Variants in GFRA1 observed in about 807,000 individuals in gnomAD.
GFRA1 encodes GDNF family receptor alpha 1, also known as GDNF family receptor alpha-1.
GFRA1 carries 16 observed loss-of-function variants against 51.6 expected under a neutral mutation model. That is an observed-to-expected ratio of 0.31 (90% CI 0.21 to 0.47). GFRA1 has a LOEUF of 0.47. Among genes scored for constraint, GFRA1 ranks in the 20% least tolerant of loss-of-function variants. GFRA1 has a pLI of 1.00. For synonymous variants in GFRA1, 270 were observed against 241.3 expected (o/e 1.12, Z -1.10); for missense variants, 530 against 594.3 (o/e 0.89, Z 1.13).
At chr10:116,083,800 G>C (rs377481752) in intron 9 of GFRA1, among the ~76,000 whole-genome samples, 1 of 152,214 alleles carries the variant, frequency 6.6e-6, no homozygotes, top group African/African-American at 2.4e-5. Flanking sequence ...TACTGGGGCC[G>C]TGGGGAGAGG....
In GFRA1 at chr10:116,228,253, T is replaced by C. The variant is rs185989542; in HGVS notation, c.419-16608A>G. ...GTGATTTGGAAAGTTAAGGGAATTATGATGAAAATGTCACTGCAAACCAAA... is the reference window on the plus strand; with the variant it reads ...GTGATTTGGAAAGTTAAGGGAATTACGATGAAAATGTCACTGCAAACCAAA... On this transcript the variant is annotated intron_variant, in intron 4 of 10. Transcript: ENST00000355422. Among the ~76,000 whole-genome samples, 28 of 152,302 alleles carry C rather than the reference T, an allele frequency of 1.8e-4. No homozygotes were observed. In the East Asian group the frequency reaches 2.3e-3, roughly 13 times the overall value.
In GFRA1 at chr10:116,125,376, G is replaced by C; in HGVS notation, c.615C>G (p.Ala205=). 1.2e-6 allele frequency: 2 copies of C among 1,614,264 alleles called. No homozygotes were observed. Among genetic ancestry groups the C allele is most frequent in the Non-Finnish European group, 1.7e-6 (2 of 1,180,050 alleles). ...AGAAGAGCATTCCGTAGCTGTGCTT[G>C]GCCGGGACCTTGTCAAAGAACTGCC... ...ALRQFFDKVP[A]KHSYGMLFCS... The change falls in exon 6 of 11, where the codon GCC becomes GCG. Residue 205 remains alanine, a synonymous_variant. Coordinates refer to ENST00000355422, the MANE Select transcript of GFRA1 (RefSeq NM_005264.8).
intron 5 of GFRA1, among the ~76,000 whole-genome samples, chr10:116,208,698 G>C (rs966079554): frequency 6.6e-6 from 1 of 152,168 alleles, no homozygotes; most frequent in Non-Finnish European, 1.5e-5. Context: ...TGATTTCCAA[G>C]CGGCTTGCTC....
At chr10:116,154,402 A>C (rs1266288812) in intron 5 of GFRA1, among the ~76,000 whole-genome samples, 2 of 152,246 alleles carry the variant, frequency 1.3e-5, no homozygotes, top group Non-Finnish European at 2.9e-5. Context: ...AATTATTGCT[A>C]TATGCAACAT....
At chr10:116,109,569 G>A (rs1020996818) in intron 6 of GFRA1, among the ~76,000 whole-genome samples, 3 of 152,164 alleles carry the variant, frequency 2.0e-5, no homozygotes, top group African/African-American at 2.4e-5. Context: ...CCCCTTCCCC[G>A]GGCTGTGTTC....
At chr10:116,254,456 G>C (rs1968661993) in intron 4 of GFRA1, among the ~76,000 whole-genome samples, 1 of 151,566 alleles carries the variant, frequency 6.6e-6, no homozygotes, top group Admixed American at 6.6e-5. Context: ...AGGATTGCTT[G>C]AAACAGAAGT....
At chr10:116,232,411 A>G (rs1589893677) in intron 4 of GFRA1, among the ~76,000 whole-genome samples, 2 of 152,192 alleles carry the variant, frequency 1.3e-5, no homozygotes, top group East Asian at 3.8e-4. Context: ...TATTGTAAAT[A>G]TCGAGGCATT....
At chr10:116,263,769 C>T (rs1969458215) in intron 4 of GFRA1, among the ~76,000 whole-genome samples, 2 of 152,154 alleles carry the variant, frequency 1.3e-5, no homozygotes, top group Admixed American at 6.6e-5. Context: ...CTGGAAAGCC[C>T]ATGCAGAGTT....
intron 5 of GFRA1, among the ~76,000 whole-genome samples, chr10:116,206,943 T>G (rs577781553): frequency 2.0e-5 from 3 of 152,292 alleles, no homozygotes; most frequent in African/African-American, 7.2e-5. Context: ...GAAACCACAT[T>G]CTTTTAACCT....
At chr10:116,243,568 T>G (rs1199298165) in intron 4 of GFRA1, among the ~76,000 whole-genome samples, 1 of 145,302 alleles carries the variant, frequency 6.9e-6, no homozygotes, top group Non-Finnish European at 1.5e-5. Flanking sequence ...GTTTTTTTTT[T>G]AAGAAAAAAA....
At chr10:116,182,238 C>A (rs1962304834) in intron 5 of GFRA1, among the ~76,000 whole-genome samples, 1 of 151,960 alleles carries the variant, frequency 6.6e-6, no homozygotes, top group Admixed American at 6.6e-5. Context: ...TTCCATAAAC[C>A]AAGGGGAATG....
At chr10:116,136,020 A>C in intron 5 of GFRA1, among the ~76,000 whole-genome samples, 1 of 152,214 alleles carries the variant, frequency 6.6e-6, no homozygotes, top group East Asian at 1.9e-4. Context: ...AATCTCAGAT[A>C]ATCTTTATAA....
intron 9 of GFRA1, among the ~76,000 whole-genome samples, chr10:116,076,550 C>G (rs1160539474): frequency 6.6e-6 from 1 of 152,164 alleles, no homozygotes; most frequent in Non-Finnish European, 1.5e-5. Flanking sequence ...TCAGCCTGCC[C>G]TTTGTTCACA....
At chr10:116,233,371 G>A (rs1412786010) in intron 4 of GFRA1, among the ~76,000 whole-genome samples, 1 of 152,024 alleles carries the variant, frequency 6.6e-6, no homozygotes. Context: ...AGCTTTCGGA[G>A]TACACTTGGA....
intron 4 of GFRA1, among the ~76,000 whole-genome samples, chr10:116,252,531 C>T (rs1238753136): frequency 6.6e-6 from 1 of 152,070 alleles, no homozygotes; most frequent in Non-Finnish European, 1.5e-5. Context: ...TACAGGCAAA[C>T]CAGGCTATCA....
chr10:116,197,188 G>A (rs1191632386), intron 5 of GFRA1, among the ~76,000 whole-genome samples: 1 of 152,044 alleles, frequency 6.6e-6, no homozygotes, highest in Non-Finnish European at 1.5e-5. Context: ...AGGAGGTGGG[G>A]GCTTTGGGAG....
At chr10:116,266,399 T>C (rs1429884042) in intron 4 of GFRA1, among the ~76,000 whole-genome samples, 1 of 152,222 alleles carries the variant, frequency 6.6e-6, no homozygotes, top group Non-Finnish European at 1.5e-5. Context: ...ACATTTATCA[T>C]CCTGTTCCTC....
chr10:116,100,918 AGAG>A (rs142940192), intron 6 of GFRA1, among the ~76,000 whole-genome samples: 1,663 of 152,294 alleles, frequency 0.011, 32 homozygotes, highest in African/African-American at 0.038. Flanking sequence ...AACAGAATCG[AGAG>A]GAGGACAGCT....
chr10:116,111,272 A>C (rs1957201114), intron 6 of GFRA1, among the ~76,000 whole-genome samples: 1 of 152,196 alleles, frequency 6.6e-6, no homozygotes. Flanking sequence ...TAGAGACAAC[A>C]GACTGTCTAC....
Sources: allele counts gnomAD v4.1 joint callset (sites outside exome capture counted in the v4.1 genomes callset), GRCh38; gene constraint gnomAD v4.1.1; transcripts MANE v1.5; gene names NCBI Gene and HGNC (gene_info 2026-07-23, HGNC 2026-07-21).